DOCK3: variants seen among roughly 807,000 people sequenced by gnomAD.
The protein encoded by DOCK3 is dedicator of cytokinesis protein 3.
A neutral mutation model predicts 265.6 loss-of-function variants in DOCK3; 60 were observed. The ratio of observed to expected loss-of-function variants is 0.23; its 90% CI spans 0.18 to 0.28. DOCK3 has a LOEUF of 0.28. Ranked by LOEUF, DOCK3 falls within the 10% of genes least tolerant of loss-of-function variation. DOCK3 has a pLI of 1.00. For synonymous variants in DOCK3, 881 were observed against 938.0 expected (o/e 0.94, Z 1.11); for missense variants, 1,981 against 2,594.3 (o/e 0.76, Z 5.14).
intron 27 of DOCK3, among the ~76,000 whole-genome samples, chr3:51,309,616 AGG>A (rs2109518875): frequency 7.3e-6 from 1 of 136,308 alleles, no homozygotes; most frequent in African/African-American, 2.9e-5. Context: ...GGAGAGGGAG[AGG>A]GAGAGCGAGA....
intron 9 of DOCK3, among the ~76,000 whole-genome samples, chr3:51,106,797 A>G (rs1432994712): frequency 1.3e-5 from 2 of 152,190 alleles, no homozygotes; most frequent in African/African-American, 2.4e-5. Context: ...CCCCCCAGCC[A>G]TACTTCAAAT....
chr3:51,153,426 C>T (rs1393733168), intron 10 of DOCK3, among the ~76,000 whole-genome samples: 1 of 152,214 alleles, frequency 6.6e-6, no homozygotes, highest in Non-Finnish European at 1.5e-5. Context: ...CTTCCCTTGG[C>T]TAAGAAAGGG....
chr3:51,148,920 A>C (rs1052838278), intron 10 of DOCK3, among the ~76,000 whole-genome samples: 2 of 152,310 alleles, frequency 1.3e-5, no homozygotes, highest in East Asian at 3.9e-4. Flanking sequence ...TTGAATCTAT[A>C]AATTACCTTG....
intron 38 of DOCK3, among the ~76,000 whole-genome samples, chr3:51,342,519 C>A (rs1400483076): frequency 2.6e-5 from 4 of 152,202 alleles, no homozygotes; most frequent in Admixed American, 1.3e-4. Context: ...CTGCCCCTCA[C>A]CCTCATGCCC....
At chr3:50,875,482 C>A (rs1329345629) in intron 3 of DOCK3, among the ~76,000 whole-genome samples, 2 of 151,988 alleles carry the variant, frequency 1.3e-5, no homozygotes. Context: ...TCCTTCCATA[C>A]CCAGTTTGTT....
At chr3:50,838,096 C>T (rs2045615900) in intron 2 of DOCK3, among the ~76,000 whole-genome samples, 1 of 152,136 alleles carries the variant, frequency 6.6e-6, no homozygotes, top group South Asian at 2.1e-4. Context: ...TCTTTCATTT[C>T]CATTCATTTG....
intron 1 of DOCK3, among the ~76,000 whole-genome samples, chr3:50,751,257 A>G (rs2039783223): frequency 6.7e-6 from 1 of 149,610 alleles, no homozygotes; most frequent in Non-Finnish European, 1.5e-5. Flanking sequence ...AAAAGAATGG[A>G]CTTTTTTTTT....
intron 5 of DOCK3, among the ~76,000 whole-genome samples, chr3:50,982,818 G>C (rs1009585594): frequency 1.3e-5 from 2 of 152,174 alleles, no homozygotes; most frequent in African/African-American, 4.8e-5. Context: ...AGGGGACCTG[G>C]AGCTCCTGCC....
In DOCK3 at chr3:51,289,631, AT is replaced by A. The variant is rs570167329; in HGVS notation, c.2922+9439del. Among the ~76,000 whole-genome samples, 1,103 of 147,448 alleles carry A rather than the reference AT, an allele frequency of 7.5e-3. 4 individuals are homozygous for A. Among genetic ancestry groups the A allele is most frequent in the Middle Eastern group, 0.014 (4 of 292 alleles). ...CAAAAGACGTGGAGTTCCTGAATGG[AT>A]TTTTTTTTTTTAAGACCCAACTATA... On this transcript the variant is annotated intron_variant, in intron 27 of 52. Transcript: ENST00000266037.
rs142333784 is a variant in DOCK3 at position 51,175,954 on chromosome 3, T to C, written c.1037+15252T>C. 2.8e-3 allele frequency among the ~76,000 whole-genome samples: 422 copies of C among 152,288 alleles called. 3 individuals carry two copies. The highest frequency in any genetic ancestry group is 9.8e-3 in the African/African-American group (406 of 41,566). On this transcript the variant is annotated intron_variant, in intron 12 of 52. Coordinates refer to ENST00000266037, the MANE Select transcript of DOCK3 (RefSeq NM_004947.5). ...CAAACAGTGTTCAGACATGCATTGT[T>C]TGAACATGTGCAACAAATGTCTGCT...
At chr3:50,924,903 C>T (rs2050681186) in intron 4 of DOCK3, among the ~76,000 whole-genome samples, 1 of 152,218 alleles carries the variant, frequency 6.6e-6, no homozygotes, top group South Asian at 2.1e-4. Flanking sequence ...CTTCTCTTTG[C>T]AAGATAATTC....
intron 5 of DOCK3, among the ~76,000 whole-genome samples, chr3:51,042,200 C>G (rs2080562101): frequency 6.6e-6 from 1 of 152,162 alleles, no homozygotes; most frequent in South Asian, 2.1e-4. Flanking sequence ...TACTGGCAAA[C>G]TGAATCCAGC....
intron 5 of DOCK3, among the ~76,000 whole-genome samples, chr3:51,033,610 A>G (rs564576976): frequency 3.3e-5 from 5 of 152,222 alleles, no homozygotes; most frequent in Non-Finnish European, 7.3e-5. Flanking sequence ...TTTGACAGAC[A>G]TTGAGTGGAA....
chr3:51,041,757 G>T (rs2080543080), intron 5 of DOCK3, among the ~76,000 whole-genome samples: 2 of 152,188 alleles, frequency 1.3e-5, no homozygotes, highest in Non-Finnish European at 2.9e-5. Context: ...GCTGTAAACA[G>T]ATAGGCTGTC....
chr3:50,993,309 T>A (rs1281056123), intron 5 of DOCK3, among the ~76,000 whole-genome samples: 2 of 152,202 alleles, frequency 1.3e-5, no homozygotes, highest in African/African-American at 4.8e-5. Flanking sequence ...TTTTTCTGGG[T>A]TTTTGCCTTT....
At chr3:50,798,450 T>G (rs1004738793) in intron 2 of DOCK3, among the ~76,000 whole-genome samples, 19 of 152,212 alleles carry the variant, frequency 1.2e-4, no homozygotes, top group Admixed American at 1.2e-3. Flanking sequence ...TCATCCCACC[T>G]GCAATGGCAG....
intron 5 of DOCK3, among the ~76,000 whole-genome samples, chr3:51,030,710 A>G (rs931345348): frequency 2.6e-5 from 4 of 152,252 alleles, no homozygotes; most frequent in Non-Finnish European, 5.9e-5. Flanking sequence ...AACATCTCCA[A>G]GAGCATAGAG....
intron 9 of DOCK3, among the ~76,000 whole-genome samples, chr3:51,128,822 C>G (rs964130154): frequency 2.6e-5 from 4 of 152,054 alleles, no homozygotes; most frequent in Admixed American, 2.6e-4. Context: ...GTTGCTAAGC[C>G]CAAGCGTAAC....
intron 1 of DOCK3, among the ~76,000 whole-genome samples, chr3:50,740,933 C>T (rs151244223): frequency 3.3e-4 from 50 of 151,978 alleles, no homozygotes; most frequent in Non-Finnish European, 6.3e-4. Context: ...ATCTAGTTCC[C>T]GAACTTTTTT....
Sources: gnomAD v4.1 joint callset for allele counts (sites outside exome capture counted in the v4.1 genomes callset) on GRCh38, gnomAD v4.1.1 for gene constraint, MANE v1.5 for transcripts, NCBI Gene and HGNC (gene_info 2026-07-23, HGNC 2026-07-21) for gene names.